LDB2: variants seen among roughly 807,000 people sequenced by gnomAD.
LDB2 encodes LIM domain binding 2.
LDB2 carries 12 observed loss-of-function variants against 44.3 expected under a neutral mutation model. The ratio of observed to expected loss-of-function variants is 0.27; its 90% CI spans 0.17 to 0.44. The LOEUF (loss-of-function observed/expected upper bound fraction) is 0.44. Among genes scored for constraint, LDB2 ranks in the 20% least tolerant of loss-of-function variants. The probability of loss-of-function intolerance (pLI) is 1.00; values close to 1 mark genes in which losing one functional copy is unlikely to be tolerated. For synonymous variants in LDB2, 164 were observed against 174.8 expected, an observed-to-expected ratio of 0.94 and a Z score of 0.49; for missense variants, 344 against 473.5, an observed-to-expected ratio of 0.73 and a Z score of 2.54.
intron 5 of LDB2, among the ~76,000 whole-genome samples, chr4:16,556,148 T>C (rs1739495535): frequency 6.6e-6 from 1 of 152,248 alleles, no homozygotes; most frequent in Admixed American, 6.5e-5. Flanking sequence ...ACTCATAGAC[T>C]TATTATGTTC....
chr4:16,767,066 A>T (rs1769491047), intron 1 of LDB2, among the ~76,000 whole-genome samples: 1 of 152,136 alleles, frequency 6.6e-6, no homozygotes, highest in African/African-American at 2.4e-5. Flanking sequence ...TGGTCCTTTC[A>T]TTAGGAGGTC....
intron 7 of LDB2, among the ~76,000 whole-genome samples, chr4:16,503,701 A>C (rs1315869053): frequency 6.6e-6 from 1 of 152,208 alleles, no homozygotes; most frequent in Non-Finnish European, 1.5e-5. Flanking sequence ...CCATAAAGGG[A>C]AGATGAAGAA....
intron 2 of LDB2, among the ~76,000 whole-genome samples, chr4:16,709,078 T>C (rs1054722139): frequency 2.3e-5 from 3 of 132,432 alleles, no homozygotes; most frequent in African/African-American, 5.3e-5. Flanking sequence ...AGTCTCTCTA[T>C]GCTAGAGAAG....
chr4:16,542,049 G>A (rs534159955), intron 5 of LDB2, among the ~76,000 whole-genome samples: 12 of 134,196 alleles, frequency 8.9e-5, no homozygotes, highest in South Asian at 5.1e-4. Context: ...CCTCACTGAC[G>A]TGCACATAAC....
chr4:16,615,069 C>CAAAAAAA (rs71649971), intron 2 of LDB2, among the ~76,000 whole-genome samples: 1 of 47,320 alleles, frequency 2.1e-5, no homozygotes, highest in Non-Finnish European at 3.7e-5. Flanking sequence ...GACTCCGTCT[C>CAAAAAAA]AAAAAAAAAA....
chr4:16,566,794 T>C (rs933507611), intron 5 of LDB2, among the ~76,000 whole-genome samples: 2 of 152,058 alleles, frequency 1.3e-5, no homozygotes, highest in Non-Finnish European at 2.9e-5. Context: ...ATCCTACATA[T>C]CTGTAAGGAA....
chr4:16,759,914 A>G (rs2109216882), intron 1 of LDB2, among the ~76,000 whole-genome samples: 1 of 152,310 alleles, frequency 6.6e-6, no homozygotes, highest in African/African-American at 2.4e-5. Context: ...CAGGCCATCC[A>G]TATGAATTCT....
chr4:16,620,106 T>C (rs1000220), intron 2 of LDB2, among the ~76,000 whole-genome samples: 59,209 of 151,930 alleles, frequency 0.39, 11,724 homozygotes, highest in East Asian at 0.59. Flanking sequence ...TCTAGCCTCC[T>C]GTTGTCCAAA....
intron 5 of LDB2, among the ~76,000 whole-genome samples, chr4:16,566,319 A>C (rs1744503005): frequency 6.6e-6 from 1 of 152,156 alleles, no homozygotes; most frequent in Non-Finnish European, 1.5e-5. Context: ...TATTGGATTA[A>C]GAACACAAAG....
chr4:16,722,331 T>G (rs2152684134), intron 2 of LDB2, among the ~76,000 whole-genome samples: 1 of 152,182 alleles, frequency 6.6e-6, no homozygotes, highest in East Asian at 1.9e-4. Flanking sequence ...GTTAATGGGA[T>G]CAAATGGAAT....
At chr4:16,651,418 T>G (rs904081910) in intron 2 of LDB2, among the ~76,000 whole-genome samples, 1 of 152,226 alleles carries the variant, frequency 6.6e-6, no homozygotes, top group Non-Finnish European at 1.5e-5. Context: ...AATATTTTCA[T>G]AAATATTTTC....
At chr4:16,539,561 A>G (rs895361086) in intron 5 of LDB2, among the ~76,000 whole-genome samples, 1 of 152,202 alleles carries the variant, frequency 6.6e-6, no homozygotes, top group Non-Finnish European at 1.5e-5. Flanking sequence ...ACACATCCGC[A>G]TACACCAGGG....
At chr4:16,822,268 G>A (rs1380113031) in intron 1 of LDB2, among the ~76,000 whole-genome samples, 1 of 152,150 alleles carries the variant, frequency 6.6e-6, no homozygotes, top group Non-Finnish European at 1.5e-5. Context: ...TAGTAGGTAG[G>A]CTAATAGACC....
intron 1 of LDB2, among the ~76,000 whole-genome samples, chr4:16,889,640 C>T (rs1351337195): frequency 2.0e-5 from 3 of 152,154 alleles, no homozygotes; most frequent in African/African-American, 7.2e-5. Flanking sequence ...GCTGGAACAA[C>T]TTAATTTTCT....
intron 1 of LDB2, among the ~76,000 whole-genome samples, chr4:16,765,576 T>C (rs1769026959): frequency 6.6e-6 from 1 of 152,256 alleles, no homozygotes; most frequent in Non-Finnish European, 1.5e-5. Flanking sequence ...ATGGACATTA[T>C]GTATCTATGC....
At chr4:16,544,129 G>A (rs911937117) in intron 5 of LDB2, among the ~76,000 whole-genome samples, 1 of 152,158 alleles carries the variant, frequency 6.6e-6, no homozygotes, top group Admixed American at 6.6e-5. Flanking sequence ...AAAAACAGAG[G>A]ATCATAAGCA....
At chr4:16,864,635 C>T (rs532248177) in intron 1 of LDB2, among the ~76,000 whole-genome samples, 1 of 152,126 alleles carries the variant, frequency 6.6e-6, no homozygotes, top group East Asian at 1.9e-4. Context: ...TAAGAAATAG[C>T]CCATACCGGT....
intron 5 of LDB2, among the ~76,000 whole-genome samples, chr4:16,534,792 C>G (rs959835942): frequency 1.3e-5 from 2 of 152,190 alleles, no homozygotes; most frequent in Non-Finnish European, 2.9e-5. Flanking sequence ...TGTAGGGTCT[C>G]CCTTGCTATC....
intron 1 of LDB2, among the ~76,000 whole-genome samples, chr4:16,875,955 A>G (rs1393825725): frequency 6.6e-6 from 1 of 152,218 alleles, no homozygotes; most frequent in East Asian, 1.9e-4. Context: ...GGAATGCATT[A>G]TAGGAAGTAG....
Sources: gnomAD v4.1 joint callset for allele counts (sites outside exome capture counted in the v4.1 genomes callset) on GRCh38, gnomAD v4.1.1 for gene constraint, MANE v1.5 for transcripts, NCBI Gene and HGNC (gene_info 2026-07-23, HGNC 2026-07-21) for gene names.